The following DLG1 variants were observed in gnomAD, a reference collection of about 807,000 sequenced individuals.
The protein encoded by DLG1 is disks large homolog 1.
DLG1 carries 42 observed loss-of-function variants against 123.4 expected under a neutral mutation model. The ratio of observed to expected loss-of-function variants is 0.34; its 90% confidence interval spans 0.27 to 0.44. The LOEUF is 0.44. Among genes scored for constraint, DLG1 ranks in the 20% least tolerant of loss-of-function variants. The pLI, the probability that DLG1 is intolerant of heterozygous loss-of-function variation, is 1.00. For missense variants in DLG1, 942 were observed against 1,082.6 expected, an observed-to-expected ratio of 0.87 and a Z score of 1.82; for synonymous variants, 317 against 356.2, an observed-to-expected ratio of 0.89 and a Z score of 1.24.
intron 13 of DLG1, among the ~76,000 whole-genome samples, chr3:197,110,898 T>C (rs1048621456): frequency 2.0e-5 from 3 of 152,128 alleles, no homozygotes; most frequent in Admixed American, 6.5e-5. Flanking sequence ...GCACAGAGGC[T>C]CATGATCAGG....
At chr3:197,171,829 C>CT (rs1183485468) in intron 5 of DLG1, among the ~76,000 whole-genome samples, 6 of 152,102 alleles carry the variant, frequency 3.9e-5, no homozygotes, top group Middle Eastern at 3.4e-3. Context: ...CAATAATGTG[C>CT]TTTTTTACCT....
chr3:197,075,779 T>C, intron 18 of DLG1: 1 of 1,460,282 alleles, frequency 6.8e-7, no homozygotes, highest in Non-Finnish European at 9.6e-7. Flanking sequence ...TGTATCTGAA[T>C]AAGGTAGGTC....
At chr3:197,297,806 CCGGTGAG>C in intron 1 of DLG1, 11 of 985,524 alleles carry the variant, frequency 1.1e-5, no homozygotes, top group Non-Finnish European at 1.3e-5. Flanking sequence ...CCACAAAGTT[CCGGTGAG>C]CGGCGTGCGC....
intron 1 of DLG1, chr3:197,297,776 C>T (rs1429970867): frequency 4.1e-6 from 4 of 985,612 alleles, no homozygotes; most frequent in Non-Finnish European, 4.8e-6. Flanking sequence ...CCTCCGCGGG[C>T]CCCCACACCT....
At chr3:197,133,432 C>G (rs985915601) in intron 10 of DLG1, among the ~76,000 whole-genome samples, 11 of 152,174 alleles carry the variant, frequency 7.2e-5, no homozygotes, top group African/African-American at 2.4e-4. Context: ...TTGTTCCTGC[C>G]AAGCCCTATC....
intron 4 of DLG1, among the ~76,000 whole-genome samples, chr3:197,218,140 T>C (rs192231438): frequency 1.1e-4 from 16 of 152,312 alleles, no homozygotes; most frequent in Non-Finnish European, 2.4e-4. Flanking sequence ...CTAGATACTG[T>C]GGGTTAAGTA....
At chr3:197,184,020 G>A in intron 5 of DLG1, 1 of 1,320,722 alleles carries the variant, frequency 7.6e-7, no homozygotes, top group Non-Finnish European at 9.6e-7. Context: ...GCTGTATGAT[G>A]GCTGAGTTTA....
chr3:197,088,213 T>G (rs1240319244), intron 15 of DLG1, among the ~76,000 whole-genome samples: 1 of 152,060 alleles, frequency 6.6e-6, no homozygotes. Flanking sequence ...CACTGGATAT[T>G]TAAAGAATGC....
intron 18 of DLG1, 87 bp downstream of exon 18, chr3:197,076,499 A>T: frequency 1.0e-6 from 1 of 964,858 alleles, no homozygotes; most frequent in Non-Finnish European, 1.6e-6. Flanking sequence ...GCAGCTCTTG[A>T]AACTGTCTCC....
At chr3:197,265,574 T>A (rs1761334965) in intron 4 of DLG1, among the ~76,000 whole-genome samples, 1 of 151,850 alleles carries the variant, frequency 6.6e-6, no homozygotes, top group African/African-American at 2.4e-5. Context: ...TCCCCTCGAG[T>A]CTTCAGATTA....
chr3:197,080,261 T>C (rs1431087901), intron 17 of DLG1, among the ~76,000 whole-genome samples: 1 of 135,604 alleles, frequency 7.4e-6, no homozygotes, highest in Non-Finnish European at 1.5e-5. Context: ...AGAATTGATA[T>C]ATTTCCTTTT....
intron 24 of DLG1, among the ~76,000 whole-genome samples, chr3:197,048,412 A>G (rs1724900477): frequency 6.6e-6 from 1 of 152,176 alleles, no homozygotes; most frequent in Non-Finnish European, 1.5e-5. Flanking sequence ...CAGAGGTTGC[A>G]GTGAGCTGAG....
chr3:197,297,582 T>G, intron 1 of DLG1: 1 of 1,031,698 alleles, frequency 9.7e-7, no homozygotes, highest in Non-Finnish European at 1.2e-6. Context: ...CTCCGACCCT[T>G]GGCCCCTGAG....
intron 6 of DLG1, among the ~76,000 whole-genome samples, chr3:197,145,964 T>C (rs954265188): frequency 2.0e-5 from 3 of 151,128 alleles, no homozygotes; most frequent in African/African-American, 7.3e-5. Flanking sequence ...TACTCCAACC[T>C]GGGCAACAAA....
At chr3:197,223,188 C>T (rs1172619721) in intron 4 of DLG1, among the ~76,000 whole-genome samples, 2 of 152,130 alleles carry the variant, frequency 1.3e-5, no homozygotes, top group Non-Finnish European at 2.9e-5. Context: ...TCCCAAAGGT[C>T]CTTTCTCTGA....
intron 13 of DLG1, among the ~76,000 whole-genome samples, chr3:197,111,995 C>T (rs1430343228): frequency 6.6e-6 from 1 of 152,130 alleles, no homozygotes; most frequent in East Asian, 1.9e-4. Flanking sequence ...TGTATGCTTT[C>T]ATTTGTCCTG....
intron 4 of DLG1, among the ~76,000 whole-genome samples, chr3:197,264,840 G>A (rs1761015127): frequency 6.6e-6 from 1 of 152,142 alleles, no homozygotes; most frequent in African/African-American, 2.4e-5. Context: ...AAGTATTTTG[G>A]ATAAGGAACA....
rs1348029030 is a variant in DLG1 at position 197,218,363 on chromosome 3, A to G, written c.319-23774T>C. ...AGGAGTTCCCAGTGGTTTGCTTATC[A>G]CATCTCTTAATGGCTATGAACTTCA... On this transcript the variant is annotated intron_variant, in intron 4 of 24. Coordinates refer to ENST00000667157, the MANE Select transcript of DLG1 (RefSeq NM_001366207.1). Among the ~76,000 whole-genome samples the G allele has an allele frequency of 3.3e-5, 5 of 152,210 alleles. No homozygotes were observed. In the East Asian group the frequency reaches 9.6e-4, roughly 29 times the overall value.
At chr3:197,173,734 A>G (rs1805507315) in intron 5 of DLG1, among the ~76,000 whole-genome samples, 1 of 152,248 alleles carries the variant, frequency 6.6e-6, no homozygotes, top group Non-Finnish European at 1.5e-5. Flanking sequence ...TGTTGCAACT[A>G]TCCAACACTG....
Sources: gnomAD v4.1 joint callset for allele counts (sites outside exome capture counted in the v4.1 genomes callset) on GRCh38, gnomAD v4.1.1 for gene constraint, MANE v1.5 for transcripts, NCBI Gene and HGNC (gene_info 2026-07-23, HGNC 2026-07-21) for gene names.